CDH8: variants seen among roughly 807,000 people sequenced by gnomAD.
CDH8 encodes the protein cadherin-8.
In CDH8, 17 loss-of-function variants were observed where a neutral mutation model predicts 68.1. The ratio of observed to expected loss-of-function variants is 0.25; its 90% confidence interval spans 0.17 to 0.37. The LOEUF (loss-of-function observed/expected upper bound fraction) is 0.37. Ranked by LOEUF, CDH8 falls within the 10% of genes least tolerant of loss-of-function variation. The pLI is 1.00. For missense variants in CDH8, 763 were observed against 999.3 expected (o/e 0.76, Z 3.19); for synonymous variants, 372 against 365.1 (o/e 1.02, Z -0.21).
intron 10 of CDH8, among the ~76,000 whole-genome samples, chr16:61,706,758 T>C (rs904334012): frequency 6.6e-6 from 1 of 152,128 alleles, no homozygotes; most frequent in Non-Finnish European, 1.5e-5. Context: ...TGCCTGGTGT[T>C]TTTCTGCTTT....
intron 1 of CDH8, among the ~76,000 whole-genome samples, chr16:62,027,423 G>A (rs752745414): frequency 5.9e-5 from 9 of 152,136 alleles, no homozygotes; most frequent in Non-Finnish European, 1.0e-4. Flanking sequence ...GATAGGTGAC[G>A]TCTAAAACAA....
At chr16:61,749,681 A>G (rs1264038216) in intron 8 of CDH8, among the ~76,000 whole-genome samples, 1 of 152,006 alleles carries the variant, frequency 6.6e-6, no homozygotes, top group South Asian at 2.1e-4. Context: ...TGCAGTGCTG[A>G]AAGAGTTAGC....
At chr16:61,944,241 A>T (rs1430730114) in intron 2 of CDH8, among the ~76,000 whole-genome samples, 1 of 151,506 alleles carries the variant, frequency 6.6e-6, no homozygotes, top group Non-Finnish European at 1.5e-5. Flanking sequence ...ATTTTGCAAC[A>T]CTCAGTTGAG....
intron 2 of CDH8, among the ~76,000 whole-genome samples, chr16:61,935,657 T>C (rs1415340687): frequency 1.3e-5 from 2 of 152,284 alleles, no homozygotes; most frequent in Admixed American, 6.5e-5. Flanking sequence ...TCTTTGGCTT[T>C]ATGCTTATTA....
At chr16:61,930,593 A>C (rs1413548429) in intron 2 of CDH8, among the ~76,000 whole-genome samples, 1 of 152,182 alleles carries the variant, frequency 6.6e-6, no homozygotes, top group Non-Finnish European at 1.5e-5. Context: ...TTGAATTCTG[A>C]ATTCATCATT....
chr16:61,648,800 C>T lies in CDH8; in HGVS notation c.*4808G>A, dbSNP rs1485883663. 2.0e-5 allele frequency: 3 copies of T among 151,990 alleles called. No homozygotes were observed. Among genetic ancestry groups the T allele is most frequent in the Non-Finnish European group, 4.4e-5 (3 of 67,912 alleles). The allele number at this position is 151,990 out of a possible 1,614,324, so 9.4% of individuals were successfully genotyped here. ...TTTTTCCTCAGATAGTCCATCAAGT[C>T]AGGAAATTTTTAAATTTTATGTCCT... On this transcript the variant is annotated 3_prime_UTR_variant, in exon 12 of 12. Transcript: ENST00000577390.
At chr16:61,834,948 A>G (rs1242221654) in intron 4 of CDH8, among the ~76,000 whole-genome samples, 1 of 151,856 alleles carries the variant, frequency 6.6e-6, no homozygotes, top group Non-Finnish European at 1.5e-5. Flanking sequence ...CTTAATTATA[A>G]AATTTTTTTT....
chr16:61,968,969 T>G (rs1965296181), intron 2 of CDH8, among the ~76,000 whole-genome samples: 1 of 152,354 alleles, frequency 6.6e-6, no homozygotes, highest in Non-Finnish European at 1.5e-5. Flanking sequence ...TTATTTTTTC[T>G]TGGCAAAAGA....
Position 61,811,336 on chromosome 16 carries a change from G to A in CDH8, c.1277+6143C>T, listed in dbSNP as rs114061387. 4.3e-3 allele frequency among the ~76,000 whole-genome samples: 651 copies of A among 152,252 alleles called. 6 individuals carry two copies. Among genetic ancestry groups the A allele is most frequent in the African/African-American group, 0.015 (616 of 41,556 alleles). On this transcript the variant is annotated intron_variant, in intron 7 of 11. Coordinates refer to ENST00000577390, the MANE Select transcript of CDH8 (RefSeq NM_001796.5). Reference sequence around the variant, plus strand: ...GTTTTTCGAAACAGTGTTGGACGATGTGCTGTTTTCAAATTGGGGACAATC... The same window carrying A: ...GTTTTTCGAAACAGTGTTGGACGATATGCTGTTTTCAAATTGGGGACAATC...
chr16:61,934,768 C>T (rs1209434362), intron 2 of CDH8, among the ~76,000 whole-genome samples: 2 of 152,148 alleles, frequency 1.3e-5, no homozygotes, highest in Non-Finnish European at 2.9e-5. Context: ...GTATTCAAGA[C>T]ACGCTTGTAG....
intron 2 of CDH8, among the ~76,000 whole-genome samples, chr16:61,987,975 C>T (rs1296559019): frequency 5.9e-5 from 9 of 152,068 alleles, no homozygotes; most frequent in Non-Finnish European, 1.2e-4. Flanking sequence ...TCTGGTAAAT[C>T]GCCCAAGCTT....
intron 2 of CDH8, among the ~76,000 whole-genome samples, chr16:61,957,102 G>A (rs1420763463): frequency 6.6e-6 from 1 of 152,036 alleles, no homozygotes; most frequent in African/African-American, 2.4e-5. Flanking sequence ...TTCAAAATTA[G>A]GTTTTGGCCA....
At chr16:62,005,734 T>TAA (rs10552670) in intron 2 of CDH8, among the ~76,000 whole-genome samples, 19 of 114,002 alleles carry the variant, frequency 1.7e-4, no homozygotes, top group Admixed American at 3.7e-4. Flanking sequence ...GACTTCGTCT[T>TAA]AAAAAAAAAA....
chr16:61,892,909 G>A (rs1963802636), intron 3 of CDH8, among the ~76,000 whole-genome samples: 1 of 152,144 alleles, frequency 6.6e-6, no homozygotes, highest in African/African-American at 2.4e-5. Context: ...CCAAAATGAA[G>A]CCTGAGTTGT....
At chr16:61,838,666 C>T (rs1458673042) in intron 4 of CDH8, among the ~76,000 whole-genome samples, 1 of 152,082 alleles carries the variant, frequency 6.6e-6, no homozygotes, top group East Asian at 1.9e-4. Flanking sequence ...TAGCATGTGA[C>T]ATTTTATGCT....
intron 2 of CDH8, among the ~76,000 whole-genome samples, chr16:61,961,490 T>G (rs1470499268): frequency 2.6e-5 from 4 of 152,140 alleles, no homozygotes; most frequent in African/African-American, 9.7e-5. Flanking sequence ...TGGTCATGCT[T>G]CCTTGTTCTC....
At chr16:61,893,208 GTGTGAGTC>G (rs1963807688) in intron 3 of CDH8, among the ~76,000 whole-genome samples, 1 of 152,090 alleles carries the variant, frequency 6.6e-6, no homozygotes, top group Non-Finnish European at 1.5e-5. Context: ...CTTCTTCCCT[GTGTGAGTC>G]TGTATCTTTC....
chr16:62,031,350 A>AT (rs1471129859), intron 1 of CDH8, among the ~76,000 whole-genome samples: 1 of 152,200 alleles, frequency 6.6e-6, no homozygotes, highest in South Asian at 2.1e-4. Flanking sequence ...TGCAGAGAAA[A>AT]TTGTGGTAGA....
intron 8 of CDH8, among the ~76,000 whole-genome samples, chr16:61,738,420 C>T (rs1959765601): frequency 6.6e-6 from 1 of 152,058 alleles, no homozygotes; most frequent in African/African-American, 2.4e-5. Flanking sequence ...CCCTCAGAAT[C>T]CTTTCTCCTC....
Sources: allele counts gnomAD v4.1 joint callset (sites outside exome capture counted in the v4.1 genomes callset), GRCh38; gene constraint gnomAD v4.1.1; transcripts MANE v1.5; gene names NCBI Gene and HGNC (gene_info 2026-07-23, HGNC 2026-07-21).